Variants in INPP4B observed in about 807,000 individuals in gnomAD.
INPP4B encodes the protein inositol polyphosphate 4-phosphatase type II.
A neutral mutation model predicts 122.5 loss-of-function variants in INPP4B; 55 were observed. The observed-to-expected ratio is 0.45, with a 90% CI of 0.36 to 0.56. INPP4B has a LOEUF of 0.56. INPP4B is among the 20% of genes least tolerant of loss of function. The pLI is 0.00. For missense variants in INPP4B, 1,000 were observed against 1,097.7 expected, an observed-to-expected ratio of 0.91 and a Z score of 1.26; for synonymous variants, 403 against 388.7, an observed-to-expected ratio of 1.04 and a Z score of -0.43.
intron 2 of INPP4B, among the ~76,000 whole-genome samples, chr4:142,690,476 C>T (rs1760013678): frequency 6.6e-6 from 1 of 152,136 alleles, no homozygotes; most frequent in African/African-American, 2.4e-5. Context: ...TTGCTGCCTC[C>T]TTGATTCTGC....
At chr4:142,299,374 C>T (rs927517166) in intron 9 of INPP4B, among the ~76,000 whole-genome samples, 4 of 147,638 alleles carry the variant, frequency 2.7e-5, no homozygotes, top group East Asian at 2.0e-4. Flanking sequence ...GTTATAGTTG[C>T]GAACCACTGA....
rs898226199 is a variant in INPP4B, at chr4:142,306,758, C to T, written c.424-1221G>A. ...GCTCACGCCTGTCATGCCTATAATC[C>T]CAGTGACCCTGGAGGCTGAGGCAGG... On this transcript the variant is annotated intron_variant, in intron 8 of 25. Transcript: ENST00000262992. Among the ~76,000 whole-genome samples the T allele has an allele frequency of 2.6e-5, 4 of 152,104 alleles. 1 individual carries two copies. In the East Asian group the frequency reaches 7.7e-4, roughly 29 times the overall value.
intron 18 of INPP4B, among the ~76,000 whole-genome samples, chr4:142,135,451 T>G (rs1462029835): frequency 6.6e-6 from 1 of 152,230 alleles, no homozygotes; most frequent in Non-Finnish European, 1.5e-5. Context: ...CATTCAGATT[T>G]ATTTGAAAAA....
chr4:142,723,429 T>C (rs544542565), intron 2 of INPP4B, among the ~76,000 whole-genome samples: 3 of 152,156 alleles, frequency 2.0e-5, no homozygotes, highest in Admixed American at 2.0e-4. Flanking sequence ...ACCAGGTATA[T>C]TGAAAGATAT....
intron 25 of INPP4B, among the ~76,000 whole-genome samples, chr4:142,054,358 GCAAGTT>G: frequency 6.6e-6 from 1 of 151,868 alleles, no homozygotes; most frequent in South Asian, 2.1e-4. Context: ...AATCGCTGCT[GCAAGTT>G]CAAGTTCATT....
At chr4:142,746,065 A>G (rs895878019) in intron 1 of INPP4B, among the ~76,000 whole-genome samples, 9 of 151,996 alleles carry the variant, frequency 5.9e-5, no homozygotes, top group African/African-American at 2.2e-4. Context: ...TAAGAAAAAA[A>G]TCTGAATAAC....
At chr4:142,104,689 G>A (rs927874581) in intron 23 of INPP4B, among the ~76,000 whole-genome samples, 8 of 152,082 alleles carry the variant, frequency 5.3e-5, no homozygotes, top group Non-Finnish European at 1.2e-4. Flanking sequence ...GGTACCCAAG[G>A]AGGATTGGAT....
In INPP4B at chr4:142,768,156, A is replaced by T. The variant is rs564523267; in HGVS notation, c.-253-42255T>A. Among the ~76,000 whole-genome samples the T allele has an allele frequency of 6.6e-5, 10 of 152,336 alleles. No individual in the cohort carries two copies. The South Asian group carries it at 2.1e-3, about 32-fold the overall frequency. On this transcript the variant is annotated intron_variant, in intron 1 of 25. Coordinates refer to ENST00000262992, the MANE Select transcript of INPP4B (RefSeq NM_001101669.3). ...AAAGTGGTTAGAACGAACCTGGCAT[A>T]TAGCAAGGGATCAATTATGTTAGCT...
intron 11 of INPP4B, among the ~76,000 whole-genome samples, chr4:142,250,578 C>G (rs1443307939): frequency 6.6e-6 from 1 of 152,090 alleles, no homozygotes; most frequent in African/African-American, 2.4e-5. Context: ...GTGCACAGGC[C>G]AAAGTCATAT....
intron 25 of INPP4B, among the ~76,000 whole-genome samples, chr4:142,042,866 T>C (rs1748988508): frequency 6.6e-6 from 1 of 152,124 alleles, no homozygotes; most frequent in African/African-American, 2.4e-5. Context: ...CAGACGATTC[T>C]ATTAGGGTTG....
At chr4:142,560,373 G>C (rs565662740) in intron 2 of INPP4B, 1 of 152,304 alleles carries the variant, frequency 6.6e-6, no homozygotes, top group South Asian at 2.1e-4. Flanking sequence ...TACTACTACT[G>C]TATTAGTCAG....
At chr4:142,331,274 C>T (rs1456587775) in intron 7 of INPP4B, among the ~76,000 whole-genome samples, 2 of 152,140 alleles carry the variant, frequency 1.3e-5, no homozygotes, top group Non-Finnish European at 1.5e-5. Context: ...AGCTTGAGAT[C>T]GCTGACCACA....
At chr4:142,174,666 C>T (rs1827231294) in intron 15 of INPP4B, among the ~76,000 whole-genome samples, 1 of 151,854 alleles carries the variant, frequency 6.6e-6, no homozygotes, top group Non-Finnish European at 1.5e-5. Flanking sequence ...ACTCTGTCAC[C>T]CAGGCTGTAG....
At chr4:142,717,710 G>C (rs1763967473) in intron 2 of INPP4B, among the ~76,000 whole-genome samples, 1 of 151,918 alleles carries the variant, frequency 6.6e-6, no homozygotes, top group African/African-American at 2.4e-5. Flanking sequence ...TGGACACAGG[G>C]CGGGGAACAT....
chr4:142,518,798 T>C (rs1312131356), intron 2 of INPP4B: 3 of 152,114 alleles, frequency 2.0e-5, no homozygotes, highest in African/African-American at 4.8e-5. Context: ...GCCCATCACA[T>C]AATTAAGCAA....
rs1345675327 is a variant in INPP4B, at chr4:142,537,058, G to T, written c.-190-74332C>A. Among the ~76,000 whole-genome samples, 12 of 152,070 alleles carry T rather than the reference G, an allele frequency of 7.9e-5. 1 individual carries two copies. Among genetic ancestry groups the T allele is most frequent in the Non-Finnish European group, 4.4e-5 (3 of 68,006 alleles). ...GATCCACCCGCCTCAGCCTCCCAAA[G>T]TGCTGGGATTACAGGCATGAGCCAC... is the stretch of plus-strand genomic sequence containing the variant. On this transcript the variant is annotated intron_variant, in intron 2 of 25. Transcript: ENST00000262992.
intron 15 of INPP4B, among the ~76,000 whole-genome samples, chr4:142,186,350 G>A (rs1833207192): frequency 1.3e-5 from 2 of 152,192 alleles, no homozygotes; most frequent in Non-Finnish European, 1.5e-5. Flanking sequence ...ACAGAAAGGT[G>A]TGGTAATCTG....
chr4:142,127,157 C>T (rs1292041316), intron 18 of INPP4B, among the ~76,000 whole-genome samples: 1 of 152,096 alleles, frequency 6.6e-6, no homozygotes, highest in Non-Finnish European at 1.5e-5. Flanking sequence ...ACTTTGTACG[C>T]AGTTGTATAG....
rs1037024174 is a variant in INPP4B at position 142,025,372 on chromosome 4, G to A, written c.*3410C>T. ...AAGGTAGTAAAATAATTGGGAAGTG[G>A]TATGTTTTGATTATTACATTGGTTT... On this transcript the variant is annotated 3_prime_UTR_variant, in exon 26 of 26. Transcript: ENST00000262992. 6.6e-6 allele frequency: 1 copy of A among 152,146 alleles called. No homozygotes were observed. The highest frequency in any genetic ancestry group is 1.5e-5 in the Non-Finnish European group (1 of 68,018). The allele number at this position is 152,146 out of a possible 1,614,324, so 9.4% of individuals were successfully genotyped here.
Sources: allele counts gnomAD v4.1 joint callset (sites outside exome capture counted in the v4.1 genomes callset), GRCh38; gene constraint gnomAD v4.1.1; transcripts MANE v1.5; gene names NCBI Gene and HGNC (gene_info 2026-07-23, HGNC 2026-07-21).